Variants in DOCK1 observed in about 807,000 individuals in gnomAD.
DOCK1 encodes the protein dedicator of cytokinesis 1.
A neutral mutation model predicts 262.7 loss-of-function variants in DOCK1; 138 were observed. The observed-to-expected ratio is 0.53, with a 90% CI of 0.46 to 0.61. The LOEUF is 0.61. Among genes scored for constraint, DOCK1 ranks in the 20% least tolerant of loss-of-function variants. The pLI is 0.00. For missense variants in DOCK1, 1,908 were observed against 2,370.7 expected (o/e 0.80, Z 4.05); for synonymous variants, 866 against 867.4 (o/e 1.00, Z 0.03).
chr10:127,037,706 T>G lies in DOCK1; in HGVS notation c.1913-13T>G. On this transcript the variant is annotated splice_polypyrimidine_tract_variant and intron_variant, in intron 18 of 51. Transcript: ENST00000623213. ...TTGCTTGTGAAGATCTGATTGTCAT[T>G]TTCTGTTTCCAGTGGACCTTCTGGG... The G allele has an allele frequency of 6.4e-7, 1 of 1,571,266 alleles. No homozygotes were observed. Among genetic ancestry groups the G allele is most frequent in the Non-Finnish European group, 8.6e-7 (1 of 1,157,946 alleles).
intron 23 of DOCK1, among the ~76,000 whole-genome samples, chr10:127,089,362 C>T (rs1466155255): frequency 6.6e-6 from 1 of 152,112 alleles, no homozygotes; most frequent in Non-Finnish European, 1.5e-5. Context: ...GGATTCAGAC[C>T]CCCTACCCCT....
intron 1 of DOCK1, among the ~76,000 whole-genome samples, chr10:126,962,090 C>T (rs1195564524): frequency 8.5e-5 from 13 of 152,072 alleles, no homozygotes; most frequent in South Asian, 2.1e-4. Flanking sequence ...CTCCGCCTCC[C>T]GGATTCAATC....
intron 45 of DOCK1, among the ~76,000 whole-genome samples, chr10:127,418,815 C>T (rs2068319821): frequency 6.6e-6 from 1 of 152,240 alleles, no homozygotes; most frequent in African/African-American, 2.4e-5. Context: ...ACCCAGGCCT[C>T]CAGTGGCTTT....
At chr10:127,351,859 C>T (rs1424677132) in intron 31 of DOCK1, among the ~76,000 whole-genome samples, 1 of 152,016 alleles carries the variant, frequency 6.6e-6, no homozygotes, top group African/African-American at 2.4e-5. Flanking sequence ...GAAAAGATCC[C>T]TCTCACTGCC....
chr10:127,017,507 A>G (rs1031934295), intron 12 of DOCK1, among the ~76,000 whole-genome samples: 2 of 151,164 alleles, frequency 1.3e-5, no homozygotes, highest in East Asian at 3.9e-4. Flanking sequence ...AGAGACACAC[A>G]CAGACACACA....
rs755980419 is a variant in DOCK1 at position 127,031,727 on chromosome 10, G to A, written c.1702G>A (p.Gly568Arg). 20 of 1,613,166 alleles carry A rather than the reference G, an allele frequency of 1.2e-5. No homozygotes were observed. In the South Asian group the frequency reaches 2.0e-4, roughly 16 times the overall value. ...ATACGATGGTACCACCCTGCGAGAC[G>A]GAGAGCACGATCTTATCGTCTATAA... ...MRYDGTTLRD[G>R]EHDLIVYKAE... The change falls in exon 17 of 52, where the codon GGA (glycine) becomes AGA (arginine). Residue 568 changes from glycine to arginine, a missense_variant. Physicochemically the swap from Gly to Arg is moderately radical, Grantham distance 125. This residue lies in a region of DOCK1 where 294 missense variants were observed against 439.9 expected (regional missense o/e 0.67). Coordinates refer to ENST00000623213, the MANE Select transcript of DOCK1 (RefSeq NM_001290223.2).
chr10:127,126,938 G>A (rs921218471), intron 26 of DOCK1, among the ~76,000 whole-genome samples: 3 of 152,152 alleles, frequency 2.0e-5, no homozygotes, highest in African/African-American at 7.2e-5. Context: ...TGGTGATGCT[G>A]GAAACCTCAC....
intron 23 of DOCK1, among the ~76,000 whole-genome samples, chr10:127,086,966 G>A (rs1043924459): frequency 1.6e-4 from 24 of 152,250 alleles, no homozygotes; most frequent in African/African-American, 5.5e-4. Context: ...TTTTCTCATT[G>A]TAATGCAATT....
chr10:127,128,073 A>G (rs2133106344), intron 27 of DOCK1: 1 of 181,130 alleles, frequency 5.5e-6, no homozygotes, highest in East Asian at 1.4e-4. Context: ...GCCATTAATA[A>G]AATTTTATGA....
At chr10:126,965,650 G>A (rs2037616213) in intron 1 of DOCK1, among the ~76,000 whole-genome samples, 1 of 152,098 alleles carries the variant, frequency 6.6e-6, no homozygotes, top group Non-Finnish European at 1.5e-5. Context: ...TCTGTGAAGT[G>A]GGCTGATGGG....
intron 38 of DOCK1, among the ~76,000 whole-genome samples, chr10:127,397,823 C>T (rs908177047): frequency 6.7e-6 from 1 of 149,290 alleles, no homozygotes; most frequent in African/African-American, 2.5e-5. Flanking sequence ...CTGTATGACC[C>T]GGGCAGCGAC....
rs375517403 is a variant in DOCK1, at chr10:126,906,022, T to C, written c.46+459T>C. Among the ~76,000 whole-genome samples the C allele has an allele frequency of 3.3e-5, 5 of 151,958 alleles. No homozygotes were observed. In the East Asian group the frequency reaches 9.8e-4, roughly 30 times the overall value. On this transcript the variant is annotated intron_variant, in intron 1 of 51. Coordinates refer to ENST00000623213, the MANE Select transcript of DOCK1 (RefSeq NM_001290223.2). Reference sequence around the variant, plus strand: ...GCGTCCGGGCTCTGGGTGGGCGGGCTCAGGTCGGCGCGGTCCCAGCGGATA... The same window carrying C: ...GCGTCCGGGCTCTGGGTGGGCGGGCCCAGGTCGGCGCGGTCCCAGCGGATA...
At chr10:127,009,288 C>T (rs993608385) in intron 11 of DOCK1, among the ~76,000 whole-genome samples, 1 of 152,060 alleles carries the variant, frequency 6.6e-6, no homozygotes, top group Non-Finnish European at 1.5e-5. Context: ...TAGAGTGGAG[C>T]CTATCTGTGT....
At chr10:127,271,011 G>A (rs2060546763) in intron 29 of DOCK1, among the ~76,000 whole-genome samples, 1 of 150,966 alleles carries the variant, frequency 6.6e-6, no homozygotes, top group Non-Finnish European at 1.5e-5. Flanking sequence ...GTGTGTGTGT[G>A]TGTGTATGTA....
At chr10:126,984,974 C>CTT (rs553086410) in intron 4 of DOCK1, among the ~76,000 whole-genome samples, 2,306 of 85,008 alleles carry the variant, frequency 0.027, 87 homozygotes, top group African/African-American at 0.073. Flanking sequence ...ATGTCCCATT[C>CTT]TTTTTTTTTT....
chr10:127,025,035 A>G (rs2275538), intron 15 of DOCK1: 24,612 of 351,868 alleles, frequency 0.07, 953 homozygotes, highest in Middle Eastern at 0.097. Flanking sequence ...TAAGATAGCT[A>G]TTGTCTTTCT....
intron 23 of DOCK1, among the ~76,000 whole-genome samples, chr10:127,074,271 T>A (rs999307099): frequency 2.0e-5 from 3 of 152,152 alleles, no homozygotes; most frequent in Non-Finnish European, 4.4e-5. Context: ...AATTAGGAGG[T>A]TAGAAAGTCA....
In DOCK1 at chr10:127,140,726, C is replaced by T. The variant is rs535584505; in HGVS notation, c.2847+12962C>T. On this transcript the variant is annotated intron_variant, in intron 27 of 51. Transcript: ENST00000623213. ...GGAGGAGGCAGCATCAGAAGGTTAACGGTCTGGCCAACTCTGGCTGACATC... is the reference window on the plus strand; with the variant it reads ...GGAGGAGGCAGCATCAGAAGGTTAATGGTCTGGCCAACTCTGGCTGACATC... Among the ~76,000 whole-genome samples, 5 of 152,142 alleles carry T rather than the reference C, an allele frequency of 3.3e-5. No homozygotes were observed. In the South Asian group the frequency reaches 6.2e-4, roughly 19 times the overall value.
intron 18 of DOCK1, 132 bp downstream of exon 18, chr10:127,032,452 G>T (rs1276311142): frequency 3.1e-6 from 3 of 956,064 alleles, no homozygotes; most frequent in South Asian, 4.1e-5. Flanking sequence ...ATTGCATCGG[G>T]CTGTGATGAT....
Sources: allele counts gnomAD v4.1 joint callset (sites outside exome capture counted in the v4.1 genomes callset), GRCh38; gene constraint gnomAD v4.1.1; regional missense constraint gnomAD v4.1.1; transcripts MANE v1.5; gene names NCBI Gene and HGNC (gene_info 2026-07-23, HGNC 2026-07-21).